SP100: variants seen among roughly 807,000 people sequenced by gnomAD.
The protein encoded by SP100 is nuclear autoantigen Sp-100.
A neutral mutation model predicts 130.0 loss-of-function variants in SP100; 84 were observed. That is an observed-to-expected ratio of 0.65 (90% CI 0.54 to 0.77). The LOEUF (loss-of-function observed/expected upper bound fraction) is 0.77, where lower values mean the gene tolerates loss of function less well. SP100 is among the 30% of genes least tolerant of loss of function. The pLI is 0.00. For synonymous variants in SP100, 331 were observed against 351.7 expected (o/e 0.94, Z 0.66); for missense variants, 978 against 1,052.2 (o/e 0.93, Z 0.97).
At chr2:230,425,522 T>C (rs1231336665) in intron 2 of SP100, among the ~76,000 whole-genome samples, 2 of 152,234 alleles carry the variant, frequency 1.3e-5, no homozygotes, top group African/African-American at 2.4e-5. Flanking sequence ...TTCATATGAT[T>C]TTTGTCCTTC....
chr2:230,488,527 C>T (rs1176544687), intron 17 of SP100, among the ~76,000 whole-genome samples: 1 of 152,184 alleles, frequency 6.6e-6, no homozygotes, highest in East Asian at 1.9e-4. Flanking sequence ...CATTCTCCCA[C>T]CTCAGCCTCC....
chr2:230,482,187 G>T (rs2065865782), intron 17 of SP100, among the ~76,000 whole-genome samples: 1 of 151,874 alleles, frequency 6.6e-6, no homozygotes. Context: ...TTTTAATCTT[G>T]TTTAAGAAAT....
At chr2:230,438,648 T>TATACAC (rs1246055755) in intron 2 of SP100, among the ~76,000 whole-genome samples, 572 of 127,474 alleles carry the variant, frequency 4.5e-3, no homozygotes, top group Non-Finnish European at 5.9e-3. Flanking sequence ...TGTATATATA[T>TATACAC]ACACACACAC....
At chr2:230,500,989 T>A (rs1352759476) in intron 19 of SP100, among the ~76,000 whole-genome samples, 1 of 152,178 alleles carries the variant, frequency 6.6e-6, no homozygotes, top group Non-Finnish European at 1.5e-5. Context: ...ACACCTGTAA[T>A]CCCAGCACTT....
In SP100 at chr2:230,460,599, T is replaced by TCC. The variant is rs1575654507; in HGVS notation, c.821-663_821-662insCC. ...GGTATTGGTAATCTGTTTCTTTTTTTTTTTTTTTTTTTTTTTTTTTTTTTT... is the reference window on the plus strand; with the variant it reads ...GGTATTGGTAATCTGTTTCTTTTTTTCCTTTTTTTTTTTTTTTTTTTTTTTTT... On this transcript the variant is annotated intron_variant, in intron 8 of 28. Coordinates refer to ENST00000340126, the MANE Select transcript of SP100 (RefSeq NM_001080391.2). 7.0e-3 allele frequency among the ~76,000 whole-genome samples: 33 copies of TCC among 4,684 alleles called. 3 individuals carry two copies. Among genetic ancestry groups the TCC allele is most frequent in the Non-Finnish European group, 0.011 (16 of 1,444 alleles). The allele number at this position is 4,684 out of a possible 152,430, so 3.1% of individuals were successfully genotyped here.
At position 230,543,015 on chromosome 2, in the gene SP100, C is replaced by A; in HGVS notation, c.*69C>A. The A allele has an allele frequency of 1.2e-6, 1 of 806,486 alleles. No homozygotes were observed. Among genetic ancestry groups the A allele is most frequent in the Non-Finnish European group, 2.1e-6 (1 of 477,080 alleles). 50.0% of individuals were successfully genotyped at this position (806,486 alleles called of 1,614,324 possible). ...GCAATGTGCCTGTGGTCCCACTAAT[C>A]TGTGACTGCTCCTGTGGAAACTCCA... On this transcript the variant is annotated 3_prime_UTR_variant, in exon 29 of 29. Transcript: ENST00000340126.
intron 2 of SP100, among the ~76,000 whole-genome samples, chr2:230,436,979 CACACACAT>C (rs2149889202): frequency 1.4e-5 from 2 of 148,000 alleles, no homozygotes; most frequent in South Asian, 2.1e-4. Context: ...TATGTGTATA[CACACACAT>C]ATATATGTGT....
At chr2:230,527,799 AC>A (rs1462836915) in intron 24 of SP100, among the ~76,000 whole-genome samples, 2 of 152,140 alleles carry the variant, frequency 1.3e-5, no homozygotes, top group African/African-American at 4.8e-5. Flanking sequence ...ACAGACTTTA[AC>A]CATAACCAAA....
rs1193506734 is a variant in SP100 at position 230,460,592 on chromosome 2, C to CTT, written c.821-629_821-628dup. On this transcript the variant is annotated intron_variant, in intron 8 of 28. Coordinates refer to ENST00000340126, the MANE Select transcript of SP100 (RefSeq NM_001080391.2). ...TGTCTGGGGTATTGGTAATCTGTTT[C>CTT]TTTTTTTTTTTTTTTTTTTTTTTTT... Among the ~76,000 whole-genome samples the CTT allele has an allele frequency of 4.4e-3, 75 of 17,196 alleles. 18 individuals are homozygous for CTT. Among genetic ancestry groups the CTT allele is most frequent in the East Asian group, 0.018 (12 of 676 alleles). The allele number at this position is 17,196 out of a possible 152,430, so 11.3% of individuals were successfully genotyped here.
chr2:230,474,568 C>T, intron 17 of SP100, 121 bp downstream of exon 17: 1 of 600,118 alleles, frequency 1.7e-6, no homozygotes, highest in Middle Eastern at 4.5e-4. Context: ...GGTGCATTTG[C>T]AGGTTTGTTA....
intron 17 of SP100, among the ~76,000 whole-genome samples, chr2:230,478,701 T>A (rs921435049): frequency 6.6e-6 from 1 of 152,210 alleles, no homozygotes. Context: ...TAAAATCTGG[T>A]CAGTGGAATT....
intron 8 of SP100, among the ~76,000 whole-genome samples, chr2:230,458,415 C>G (rs1021173941): frequency 6.6e-6 from 1 of 152,066 alleles, no homozygotes; most frequent in African/African-American, 2.4e-5. Context: ...GAGGGGTTGG[C>G]CTTGCTGTCT....
chr2:230,450,383 G>T, intron 8 of SP100, 128 bp downstream of exon 8: 1 of 644,448 alleles, frequency 1.6e-6, no homozygotes, highest in Non-Finnish European at 2.8e-6. Flanking sequence ...TTAAAAGCTG[G>T]ATGTATTTAT....
intron 2 of SP100, 100 bp from the exon 3 acceptor site, chr2:230,442,837 T>C (rs935881248): frequency 9.9e-7 from 1 of 1,013,216 alleles, no homozygotes; most frequent in Non-Finnish European, 1.5e-6. Flanking sequence ...TTATATATGT[T>C]CATTCTTTGT....
intron 24 of SP100, among the ~76,000 whole-genome samples, chr2:230,511,993 A>C (rs1242819506): frequency 6.6e-6 from 1 of 152,044 alleles, no homozygotes; most frequent in Non-Finnish European, 1.5e-5. Flanking sequence ...CAGCCTCCCA[A>C]ATAGCCAGGA....
intron 27 of SP100, 113 bp from the exon 28 acceptor site, chr2:230,541,779 G>T (rs986119491): frequency 6.1e-6 from 7 of 1,149,160 alleles, no homozygotes; most frequent in African/African-American, 1.5e-5. Context: ...ACCTTCACAG[G>T]GGGGTTAGGA....
intron 14 of SP100, 41 bp downstream of exon 14, chr2:230,469,137 A>C (rs1649874): frequency 0.26 from 326,541 of 1,240,860 alleles, 45,772 homozygotes; most frequent in Middle Eastern, 0.34. Context: ...AAATGTCTTT[A>C]TTTGCTGCAA....
intron 14 of SP100, chr2:230,469,671 A>G (rs2065165805): frequency 1.5e-5 from 14 of 926,990 alleles, no homozygotes; most frequent in South Asian, 3.3e-5. Flanking sequence ...TTGGGGTTAT[A>G]TACATTTGCA....
chr2:230,499,298 T>A (rs1276819460), intron 19 of SP100, among the ~76,000 whole-genome samples: 1 of 150,964 alleles, frequency 6.6e-6, no homozygotes, highest in African/African-American at 2.4e-5. Context: ...GATGAGCTGT[T>A]CTTTCAGCCA....
Sources: allele counts gnomAD v4.1 joint callset (sites outside exome capture counted in the v4.1 genomes callset), GRCh38; gene constraint gnomAD v4.1.1; transcripts MANE v1.5; gene names NCBI Gene and HGNC (gene_info 2026-07-23, HGNC 2026-07-21).